The following RCSD1 variants were observed in gnomAD, a reference collection of about 807,000 sequenced individuals.
The protein encoded by RCSD1 is capZ-interacting protein.
In RCSD1, 26 loss-of-function variants were observed where a neutral mutation model predicts 42.5. The ratio of observed to expected loss-of-function variants is 0.61; its 90% CI spans 0.45 to 0.85. The LOEUF is 0.85. Among genes scored for constraint, RCSD1 ranks in the 40% least tolerant of loss-of-function variants. RCSD1 has a pLI of 0.00. For synonymous variants in RCSD1, 220 were observed against 212.2 expected (o/e 1.04, Z -0.32); for missense variants, 571 against 528.3 (o/e 1.08, Z -0.79).
chr1:167,641,853 T>C (rs1266084030), intron 1 of RCSD1: 1 of 152,242 alleles, frequency 6.6e-6, no homozygotes, highest in African/African-American at 2.4e-5. Flanking sequence ...AACAGTCCTG[T>C]TGCATAAATA....
chr1:167,646,184 C>A (rs1436584520), intron 1 of RCSD1, among the ~76,000 whole-genome samples: 1 of 152,040 alleles, frequency 6.6e-6, no homozygotes, highest in Non-Finnish European at 1.5e-5. Context: ...GCGGAAGAGG[C>A]TGAGTTTTGG....
chr1:167,687,360 T>C (rs1042914363), intron 3 of RCSD1, among the ~76,000 whole-genome samples: 2 of 144,450 alleles, frequency 1.4e-5, no homozygotes, highest in Admixed American at 1.3e-4. Flanking sequence ...CCGTCTCTAC[T>C]AAAAATACAA....
At chr1:167,644,891 A>G (rs1349004848) in intron 1 of RCSD1, among the ~76,000 whole-genome samples, 1 of 152,238 alleles carries the variant, frequency 6.6e-6, no homozygotes, top group Non-Finnish European at 1.5e-5. Context: ...TCCTATGCCA[A>G]TAAGGGTATT....
At chr1:167,657,120 C>T (rs1447753597) in intron 1 of RCSD1, among the ~76,000 whole-genome samples, 1 of 152,208 alleles carries the variant, frequency 6.6e-6, no homozygotes, top group African/African-American at 2.4e-5. Flanking sequence ...TTAAGTGAGC[C>T]AGTGTCCATG....
chr1:167,675,042 T>TA (rs374756626), intron 1 of RCSD1, among the ~76,000 whole-genome samples: 1 of 151,584 alleles, frequency 6.6e-6, no homozygotes, highest in Non-Finnish European at 1.5e-5. Flanking sequence ...CCATCTCTAC[T>TA]AAAAATACAA....
intron 4 of RCSD1, among the ~76,000 whole-genome samples, chr1:167,690,556 C>T (rs1659350572): frequency 6.6e-6 from 1 of 152,142 alleles, no homozygotes. Flanking sequence ...CACCTGTAGT[C>T]CCAGCTACTC....
chr1:167,637,080 C>A (rs556000561), intron 1 of RCSD1, among the ~76,000 whole-genome samples: 1 of 152,100 alleles, frequency 6.6e-6, no homozygotes, highest in Non-Finnish European at 1.5e-5. Flanking sequence ...GGAGCATCAG[C>A]CTGGGGCTCA....
At chr1:167,703,922 C>T (rs1279069415) in intron 6 of RCSD1, among the ~76,000 whole-genome samples, 1 of 152,158 alleles carries the variant, frequency 6.6e-6, no homozygotes, top group Non-Finnish European at 1.5e-5. Context: ...TCTTCCCCTC[C>T]ACAAGCCTTT....
At chr1:167,683,451 C>A (rs534955990) in intron 1 of RCSD1, among the ~76,000 whole-genome samples, 1 of 152,154 alleles carries the variant, frequency 6.6e-6, no homozygotes. Context: ...ATTTACTGAG[C>A]GCTTCTTTAC....
At chr1:167,634,763 A>G (rs1448679752) in intron 1 of RCSD1, among the ~76,000 whole-genome samples, 1 of 152,214 alleles carries the variant, frequency 6.6e-6, no homozygotes, top group Non-Finnish European at 1.5e-5. Flanking sequence ...CAATAAATGA[A>G]TCCTTTTCTC....
At chr1:167,692,467 G>A (rs572995366) in intron 4 of RCSD1, among the ~76,000 whole-genome samples, 64 of 152,058 alleles carry the variant, frequency 4.2e-4, no homozygotes, top group East Asian at 1.7e-3. Flanking sequence ...CAACCTGCAC[G>A]GCAACTATGC....
Position 167,662,625 on chromosome 1 carries a change from G to A in RCSD1, c.7-21275G>A, listed in dbSNP as rs543074040. ...ACTCTCCTTTTCGAAAGAACGGCTG[G>A]CCTCAGCTTGCTAATTTGGAATAAA... On this transcript the variant is annotated intron_variant, in intron 1 of 6. Transcript: ENST00000367854. Among the ~76,000 whole-genome samples, 5 of 152,290 alleles carry A rather than the reference G, an allele frequency of 3.3e-5. No individual in the cohort carries two copies. In the South Asian group the frequency reaches 1.0e-3, roughly 32 times the overall value.
In RCSD1 at chr1:167,693,535, A is replaced by G. The variant is rs940918428; in HGVS notation, c.271-564A>G. 4.6e-5 allele frequency among the ~76,000 whole-genome samples: 7 copies of G among 152,228 alleles called. No individual in the cohort carries two copies. The East Asian group carries it at 1.2e-3, about 25-fold the overall frequency. On this transcript the variant is annotated intron_variant, in intron 4 of 6. Transcript: ENST00000367854. ...TACTGTGTCCACCACTCTGCCGTCT[A>G]TTAAGAGGGAACCTGATACCTGGAG...
intron 1 of RCSD1, among the ~76,000 whole-genome samples, chr1:167,668,232 C>T (rs2102219503): frequency 6.6e-6 from 1 of 152,012 alleles, no homozygotes; most frequent in South Asian, 2.1e-4. Flanking sequence ...TTGCAGTAAG[C>T]TGAGATTGCA....
intron 1 of RCSD1, among the ~76,000 whole-genome samples, chr1:167,683,331 G>A (rs1417388307): frequency 6.6e-6 from 1 of 152,182 alleles, no homozygotes. Flanking sequence ...TTTGCCCCAG[G>A]TCCCCAGGCT....
chr1:167,672,465 G>C (rs1409910472), intron 1 of RCSD1, among the ~76,000 whole-genome samples: 1 of 152,190 alleles, frequency 6.6e-6, no homozygotes, highest in Non-Finnish European at 1.5e-5. Flanking sequence ...TCTTCTGAAG[G>C]GTCTAGGGAA....
chr1:167,673,913 G>A (rs906035463), intron 1 of RCSD1, among the ~76,000 whole-genome samples: 16 of 152,224 alleles, frequency 1.1e-4, no homozygotes, highest in African/African-American at 2.6e-4. Context: ...TCTGTGAAGC[G>A]TTCCCTGATT....
intron 1 of RCSD1, among the ~76,000 whole-genome samples, chr1:167,656,548 A>C (rs1658429702): frequency 6.6e-6 from 1 of 152,216 alleles, no homozygotes; most frequent in African/African-American, 2.4e-5. Context: ...TTGAAAAATC[A>C]GATCATTTGG....
intron 1 of RCSD1, among the ~76,000 whole-genome samples, chr1:167,678,586 A>G (rs1159809683): frequency 1.3e-5 from 2 of 152,048 alleles, no homozygotes; most frequent in Admixed American, 1.3e-4. Context: ...ACCCAATCTC[A>G]GCTGGACCGC....
Sources: gnomAD v4.1 joint callset for allele counts (sites outside exome capture counted in the v4.1 genomes callset) on GRCh38, gnomAD v4.1.1 for gene constraint, MANE v1.5 for transcripts, NCBI Gene and HGNC (gene_info 2026-07-23, HGNC 2026-07-21) for gene names.